The following PABPC4L variants were observed in gnomAD, a reference collection of about 807,000 sequenced individuals.
The protein encoded by PABPC4L is poly(A) binding protein cytoplasmic 4 like, also known as polyadenylate-binding protein 4-like.
For missense variants in PABPC4L, 452 were observed against 451.4 expected (o/e 1.00, Z -0.01); for synonymous variants, 169 against 164.1 (o/e 1.03, Z -0.23).
the PABPC4L span, among the ~76,000 whole-genome samples, chr4:133,983,163 T>C: frequency 6.6e-6 from 1 of 151,996 alleles, no homozygotes; most frequent in Non-Finnish European, 1.5e-5. Flanking sequence ...TGAGGAGGTT[T>C]AGTTCTTACA....
chr4:134,030,693 C>G, the PABPC4L span, among the ~76,000 whole-genome samples: 1 of 152,046 alleles, frequency 6.6e-6, no homozygotes, highest in African/African-American at 2.4e-5. Flanking sequence ...ATTGAAATAT[C>G]TTTCTTCCTA....
the PABPC4L span, among the ~76,000 whole-genome samples, chr4:134,086,146 A>G: frequency 6.7e-6 from 1 of 149,992 alleles, no homozygotes. Flanking sequence ...TTTCTTTGGC[A>G]TTTTCCTGGT....
At chr4:133,989,581 C>T in the PABPC4L span, among the ~76,000 whole-genome samples, 1 of 152,118 alleles carries the variant, frequency 6.6e-6, no homozygotes, top group East Asian at 1.9e-4. Context: ...TCCAAACTGC[C>T]TCACATCTCT....
chr4:134,171,553 C>G, the PABPC4L span, among the ~76,000 whole-genome samples: 3 of 152,222 alleles, frequency 2.0e-5, no homozygotes, highest in Admixed American at 2.0e-4. Context: ...TGCAAACCAA[C>G]AGCCAACATC....
At chr4:134,184,274 G>C in the PABPC4L span, among the ~76,000 whole-genome samples, 1 of 151,860 alleles carries the variant, frequency 6.6e-6, no homozygotes, top group Non-Finnish European at 1.5e-5. Context: ...TGAATCTGCT[G>C]AATGTCTAAA....
chr4:134,150,551 T>A, the PABPC4L span, among the ~76,000 whole-genome samples: 201 of 152,246 alleles, frequency 1.3e-3, 1 homozygote, highest in African/African-American at 4.7e-3. Context: ...AATTTCACTT[T>A]AAAAAAATTA....
At chr4:134,144,589 A>T in the PABPC4L span, among the ~76,000 whole-genome samples, 1 of 151,466 alleles carries the variant, frequency 6.6e-6, no homozygotes, top group African/African-American at 2.4e-5. Context: ...TAAAAAAAAA[A>T]AAAAAACAGT....
chr4:134,109,588 A>C, the PABPC4L span, among the ~76,000 whole-genome samples: 5 of 151,966 alleles, frequency 3.3e-5, no homozygotes, highest in African/African-American at 1.2e-4. Context: ...ACTTTGAAAA[A>C]TTCAAGAAAT....
the PABPC4L span, among the ~76,000 whole-genome samples, chr4:134,168,206 C>A: frequency 6.6e-6 from 1 of 151,808 alleles, no homozygotes; most frequent in Admixed American, 6.6e-5. Context: ...AAGAAGAAAA[C>A]TTTTTAAAAT....
At chr4:133,977,029 G>T in the PABPC4L span, among the ~76,000 whole-genome samples, 1 of 152,188 alleles carries the variant, frequency 6.6e-6, no homozygotes, top group Middle Eastern at 3.4e-3. Context: ...CTTTCTTCTA[G>T]AATTTTTATA....
chr4:134,014,698 G>A, the PABPC4L span, among the ~76,000 whole-genome samples: 1 of 151,880 alleles, frequency 6.6e-6, no homozygotes, highest in East Asian at 1.9e-4. Flanking sequence ...CGGATGCCGA[G>A]CTTTTGGTAA....
At chr4:134,047,657 T>C in the PABPC4L span, among the ~76,000 whole-genome samples, 1 of 152,034 alleles carries the variant, frequency 6.6e-6, no homozygotes, top group Non-Finnish European at 1.5e-5. Context: ...ATCTCAAACA[T>C]AGCCCTGGGT....
At chr4:134,070,080 T>A in the PABPC4L span, among the ~76,000 whole-genome samples, 1 of 149,904 alleles carries the variant, frequency 6.7e-6, no homozygotes, top group Non-Finnish European at 1.5e-5. Context: ...TTCCAGACAT[T>A]TTTAGGGGGC....
the PABPC4L span, among the ~76,000 whole-genome samples, chr4:134,155,830 T>C: frequency 6.6e-6 from 1 of 152,016 alleles, no homozygotes; most frequent in African/African-American, 2.4e-5. Flanking sequence ...CTAATAATTG[T>C]ACACTATGTT....
chr4:134,008,733 T>C, the PABPC4L span, among the ~76,000 whole-genome samples: 1 of 151,850 alleles, frequency 6.6e-6, no homozygotes, highest in African/African-American at 2.4e-5. Context: ...ATGTGTTGTT[T>C]TCTTTTTTTC....
chr4:133,971,328 G>T, the PABPC4L span, among the ~76,000 whole-genome samples: 2 of 151,754 alleles, frequency 1.3e-5, no homozygotes, highest in Non-Finnish European at 2.9e-5. Context: ...AGCCAGGATG[G>T]TCTCCATCTC....
At chr4:133,971,338 C>T in the PABPC4L span, among the ~76,000 whole-genome samples, 1 of 152,022 alleles carries the variant, frequency 6.6e-6, no homozygotes, top group African/African-American at 2.4e-5. Context: ...GTCTCCATCT[C>T]CTGACTTCGT....
At chr4:134,184,566 G>T in the PABPC4L span, among the ~76,000 whole-genome samples, 2 of 151,838 alleles carry the variant, frequency 1.3e-5, no homozygotes, top group African/African-American at 4.8e-5. Flanking sequence ...TCTTTTCATG[G>T]CTTGACAGCT....
At chr4:133,954,460 T>C in the PABPC4L span, among the ~76,000 whole-genome samples, 4 of 152,164 alleles carry the variant, frequency 2.6e-5, no homozygotes, top group African/African-American at 7.2e-5. Flanking sequence ...CAAAGACTTA[T>C]GAATGGGATC....
Sources: allele counts gnomAD v4.1 joint callset (sites outside exome capture counted in the v4.1 genomes callset), GRCh38; gene constraint gnomAD v4.1.1; transcripts MANE v1.5; gene names NCBI Gene and HGNC (gene_info 2026-07-23, HGNC 2026-07-21).